The following RBL1 variants were observed in gnomAD, a reference collection of about 807,000 sequenced individuals.
RBL1 encodes the protein retinoblastoma-like protein 1.
A neutral mutation model predicts 123.0 loss-of-function variants in RBL1; 82 were observed. The ratio of observed to expected loss-of-function variants is 0.67; its 90% CI spans 0.56 to 0.80. The LOEUF (loss-of-function observed/expected upper bound fraction) is 0.80, where lower values mean the gene tolerates loss of function less well. Among genes scored for constraint, RBL1 ranks in the 30% least tolerant of loss-of-function variants. The pLI is 0.00. For synonymous variants in RBL1, 405 were observed against 441.3 expected (o/e 0.92, Z 1.03); for missense variants, 1,171 against 1,299.6 (o/e 0.90, Z 1.52).
intron 2 of RBL1, among the ~76,000 whole-genome samples, chr20:37,068,487 C>T (rs1192060554): frequency 6.6e-6 from 1 of 151,222 alleles, no homozygotes; most frequent in Non-Finnish European, 1.5e-5. Context: ...CACTGTCTTA[C>T]ATGAACAAAG....
chr20:37,010,394 T>C (rs185885606), intron 19 of RBL1, among the ~76,000 whole-genome samples: 11 of 152,348 alleles, frequency 7.2e-5, no homozygotes, highest in Non-Finnish European at 2.9e-5. Context: ...TTAAATATTA[T>C]ATATATGCAT....
rs565503904 is a variant in RBL1 at position 37,045,167 on chromosome 20, C to T, written c.1606-917G>A. The stretch of plus-strand genomic sequence containing the variant: ...TGTCACCCAGGCTGGAGTGCAGCGG[C>T]GCCATCTCGGCTCACTGCAATCTCT... On this transcript the variant is annotated intron_variant, in intron 12 of 21. Transcript: ENST00000373664. 2.5e-3 allele frequency among the ~76,000 whole-genome samples: 384 copies of T among 151,678 alleles called. 2 individuals carry two copies. Among genetic ancestry groups the T allele is most frequent in the African/African-American group, 8.7e-3 (358 of 41,374 alleles).
intron 16 of RBL1, among the ~76,000 whole-genome samples, chr20:37,027,062 G>C (rs2064437365): frequency 6.6e-6 from 1 of 151,282 alleles, no homozygotes; most frequent in Non-Finnish European, 1.5e-5. Flanking sequence ...AGAACAATTA[G>C]TTGGGCATGG....
chr20:37,037,940 C>T (rs902358730), intron 14 of RBL1, among the ~76,000 whole-genome samples: 2 of 151,328 alleles, frequency 1.3e-5, no homozygotes, highest in African/African-American at 4.9e-5. Context: ...CCGCCTCGGC[C>T]TCCCAAAGTG....
At chr20:37,080,869 G>A (rs1013058519) in intron 2 of RBL1, among the ~76,000 whole-genome samples, 20 of 152,094 alleles carry the variant, frequency 1.3e-4, no homozygotes, top group Non-Finnish European at 2.8e-4. Flanking sequence ...TGGTTTTGTT[G>A]GAACATTCAT....
At chr20:37,011,499 A>C (rs1226820798) in intron 19 of RBL1, among the ~76,000 whole-genome samples, 2 of 150,806 alleles carry the variant, frequency 1.3e-5, no homozygotes, top group Non-Finnish European at 2.9e-5. Context: ...CAGTGGCACA[A>C]TCTCAGCTCA....
At chr20:37,001,667 G>A (rs1274752972) in intron 21 of RBL1, among the ~76,000 whole-genome samples, 1 of 143,594 alleles carries the variant, frequency 7.0e-6, no homozygotes, top group Non-Finnish European at 1.5e-5. Context: ...AGAGACCTTT[G>A]TTCACTTATC....
chr20:37,095,900 C>T lies in RBL1; in HGVS notation c.29G>A (p.Gly10Glu). 1 of 1,601,840 alleles carries T rather than the reference C, an allele frequency of 6.2e-7. No homozygotes were observed. The highest frequency in any genetic ancestry group is 8.5e-7 in the Non-Finnish European group (1 of 1,175,218). ...CCCGGCTGCGGCGACCACCGCCGCC[C>T]CCTCAGCGTGGGGCTTGTCCTCGAA... MFEDKPHAE[G>E]AAVVAAAGEA... The change falls in exon 1 of 22, where the codon GGG becomes GAG. Residue 10 changes from glycine (G) to glutamate (E), a missense_variant. Physicochemically the swap from Gly to Glu is moderately conservative, Grantham distance 98 (BLOSUM62 -2). Coordinates refer to ENST00000373664, the MANE Select transcript of RBL1 (RefSeq NM_002895.5).
In RBL1 at chr20:37,035,232, A is replaced by G. The variant is rs1367409234; in HGVS notation, c.2170+10T>C. 3 of 1,608,040 alleles carry G rather than the reference A, an allele frequency of 1.9e-6. No individual in the cohort carries two copies. Among genetic ancestry groups the G allele is most frequent in the Non-Finnish European group, 2.6e-6 (3 of 1,175,960 alleles). On this transcript the variant is annotated intron_variant, in intron 15 of 21. Transcript: ENST00000373664. ...AGAAAAAGTACAAAACAAATGCACT[A>G]TAACGTTACCATGTAATGGAATTGT...
At chr20:37,003,302 A>AT (rs1253172069) in intron 21 of RBL1, among the ~76,000 whole-genome samples, 1 of 152,174 alleles carries the variant, frequency 6.6e-6, no homozygotes, top group Non-Finnish European at 1.5e-5. Context: ...AGAGTTGTCT[A>AT]TGTACGTAAG....
chr20:36,999,453 CCTCCCTCCTCTCCCT>C (rs778119931), intron 21 of RBL1, among the ~76,000 whole-genome samples: 76 of 131,250 alleles, frequency 5.8e-4, no homozygotes, highest in South Asian at 1.2e-3. Flanking sequence ...CCCTCCTCTC[CCTCCCTCCTCTCCCT>C]CTCCCTCCTC....
intron 19 of RBL1, among the ~76,000 whole-genome samples, chr20:37,010,760 A>ATG (rs374094594): frequency 0.22 from 31,541 of 142,936 alleles, 4,220 homozygotes; most frequent in African/African-American, 0.45. Context: ...GCACATGACT[A>ATG]TGTGTGTGTG....
intron 21 of RBL1, among the ~76,000 whole-genome samples, chr20:37,002,336 GTT>G (rs965408801): frequency 2.1e-3 from 161 of 76,326 alleles, no homozygotes; most frequent in African/African-American, 5.6e-3. Context: ...AGCCTTATCT[GTT>G]TTTTTTTTTT....
chr20:37,022,736 C>T lies in RBL1; in HGVS notation c.2473G>A (p.Glu825Lys), dbSNP rs77376862. 5.0e-6 allele frequency: 8 copies of T among 1,613,888 alleles called. No individual in the cohort carries two copies. In the East Asian group the frequency reaches 8.9e-5, roughly 18 times the overall value. ...ELRRKIWTCF[E>K]FTLVHCPDLM... ...TCAGGACAGTGAACTAAAGTGAATT[C>T]AAAACACGTCCATATCTTCCTTCGT... The change falls in exon 17 of 22, where the codon GAA becomes AAA. Residue 825 changes from glutamate to lysine, a missense_variant. Physicochemically the swap from Glu to Lys is moderately conservative, Grantham distance 56. Coordinates refer to ENST00000373664, the MANE Select transcript of RBL1 (RefSeq NM_002895.5).
intron 15 of RBL1, among the ~76,000 whole-genome samples, chr20:37,034,037 C>T (rs1360925878): frequency 6.6e-6 from 1 of 151,264 alleles, no homozygotes; most frequent in Non-Finnish European, 1.5e-5. Flanking sequence ...TTCCTGGGCT[C>T]AAGTGATTCT....
intron 13 of RBL1, among the ~76,000 whole-genome samples, chr20:37,041,831 A>C (rs1011527068): frequency 2.0e-5 from 3 of 152,014 alleles, no homozygotes; most frequent in Non-Finnish European, 4.4e-5. Flanking sequence ...AAGACAGGCC[A>C]GGTGCAGTGG....
At chr20:37,081,096 T>A (rs1181888814) in intron 2 of RBL1, among the ~76,000 whole-genome samples, 1 of 152,196 alleles carries the variant, frequency 6.6e-6, no homozygotes, top group African/African-American at 2.4e-5. Context: ...TGAACAATAA[T>A]GATTGCTCAA....
Position 37,019,797 on chromosome 20 carries a change from G to A in RBL1, c.2631+862C>T, listed in dbSNP as rs144717095. On this transcript the variant is annotated intron_variant, in intron 18 of 21. Transcript: ENST00000373664. ...CAAACCCTTAAGGTAATTTACTTGT[G>A]TTCTTCAGGTACAATAATAACAACA... is the stretch of plus-strand genomic sequence containing the variant. Among the ~76,000 whole-genome samples the A allele has an allele frequency of 3.2e-3, 489 of 152,166 alleles. 6 individuals carry two copies. Among genetic ancestry groups the A allele is most frequent in the African/African-American group, 0.011 (473 of 41,504 alleles).
At chr20:37,094,836 C>A (rs905238730) in intron 1 of RBL1, among the ~76,000 whole-genome samples, 1 of 152,158 alleles carries the variant, frequency 6.6e-6, no homozygotes, top group African/African-American at 2.4e-5. Context: ...TGGGGTTTCG[C>A]CGTGTTGCCC....
Sources: gnomAD v4.1 joint callset for allele counts (sites outside exome capture counted in the v4.1 genomes callset) on GRCh38, gnomAD v4.1.1 for gene constraint, MANE v1.5 for transcripts, NCBI Gene and HGNC (gene_info 2026-07-23, HGNC 2026-07-21) for gene names.